Variants in SEMA3A observed in about 807,000 individuals in gnomAD.
SEMA3A encodes semaphorin 3A.
SEMA3A carries 29 observed loss-of-function variants against 97.9 expected under a neutral mutation model. The observed-to-expected ratio is 0.30, with a 90% CI of 0.22 to 0.40. The LOEUF (loss-of-function observed/expected upper bound fraction) is 0.40. Ranked by LOEUF, SEMA3A falls within the 10% of genes least tolerant of loss-of-function variation. The probability of loss-of-function intolerance (pLI) is 1.00; values close to 1 mark genes in which losing one functional copy is unlikely to be tolerated. For missense variants in SEMA3A, 763 were observed against 951.3 expected (o/e 0.80, Z 2.60); for synonymous variants, 321 against 323.7 (o/e 0.99, Z 0.09).
rs374846511 is a variant in SEMA3A at position 84,440,003 on chromosome 7, T to C, written c.-246+52457A>G. 5.3e-5 allele frequency among the ~76,000 whole-genome samples: 8 copies of C among 152,266 alleles called. No homozygotes were observed. The East Asian group carries it at 5.8e-4, about 11-fold the overall frequency. On this transcript the variant is annotated intron_variant, in intron 1 of 3. Coordinates refer to the SEMA3A transcript ENST00000424555. ...AGGCACTATACTTGATAAGGTGATA[T>C]AGAAGTAAACAAATATGCATGACAA...
intron 2 of SEMA3A, among the ~76,000 whole-genome samples, chr7:84,346,314 T>C (rs1802298689): frequency 6.6e-6 from 1 of 152,230 alleles, no homozygotes; most frequent in South Asian, 2.1e-4. Flanking sequence ...TTTTGCTTTC[T>C]TATCATTTGT....
intron 3 of SEMA3A, among the ~76,000 whole-genome samples, chr7:84,279,127 A>G (rs921580281): frequency 6.6e-5 from 10 of 152,200 alleles, no homozygotes; most frequent in Non-Finnish European, 1.5e-5. Flanking sequence ...AATGTGATTA[A>G]GAATGGGATA....
chr7:84,260,880 A>G (rs1452357975), intron 3 of SEMA3A, among the ~76,000 whole-genome samples: 2 of 152,218 alleles, frequency 1.3e-5, no homozygotes, highest in East Asian at 3.9e-4. Flanking sequence ...CCTTCAAGCC[A>G]GGGACTTCCT....
intron 1 of SEMA3A, among the ~76,000 whole-genome samples, chr7:84,410,075 G>C (rs1804218742): frequency 6.6e-6 from 1 of 151,940 alleles, no homozygotes; most frequent in African/African-American, 2.4e-5. Context: ...CATGGAGAAA[G>C]ACAAAATTGA....
intron 15 of SEMA3A, among the ~76,000 whole-genome samples, chr7:83,975,538 G>A (rs989080376): frequency 2.6e-5 from 4 of 152,050 alleles, no homozygotes; most frequent in African/African-American, 9.7e-5. Context: ...CATGTATCTA[G>A]ATTATAACTT....
chr7:83,986,970 T>TCA (rs61054337), intron 12 of SEMA3A, among the ~76,000 whole-genome samples: 1,813 of 106,840 alleles, frequency 0.017, 22 homozygotes, highest in African/African-American at 0.023. Context: ...TCTCTCTCTT[T>TCA]CACACACACA....
chr7:84,424,612 AATATAAT>A (rs1461668499), intron 1 of SEMA3A, among the ~76,000 whole-genome samples: 1 of 29,680 alleles, frequency 3.4e-5, no homozygotes, highest in Non-Finnish European at 5.3e-5. Flanking sequence ...ATTAATATAT[AATATAAT>A]ATATAATATA....
chr7:84,452,479 G>A (rs1805580160), intron 1 of SEMA3A, among the ~76,000 whole-genome samples: 1 of 152,028 alleles, frequency 6.6e-6, no homozygotes, highest in Non-Finnish European at 1.5e-5. Context: ...AGAGAATTTT[G>A]TTATTCCCAG....
At chr7:84,491,748 C>T (rs545776430) in intron 1 of SEMA3A, among the ~76,000 whole-genome samples, 1 of 152,188 alleles carries the variant, frequency 6.6e-6, no homozygotes, top group Admixed American at 6.5e-5. Context: ...GTTGTAAATG[C>T]AAAATAAACG....
intron 3 of SEMA3A, among the ~76,000 whole-genome samples, chr7:84,293,152 A>T (rs761675831): frequency 1.3e-5 from 2 of 152,172 alleles, no homozygotes; most frequent in East Asian, 1.9e-4. Context: ...AGCACATTTT[A>T]AAAAATGTTT....
chr7:83,989,423 C>T (rs1379264121), intron 12 of SEMA3A, among the ~76,000 whole-genome samples: 3 of 148,010 alleles, frequency 2.0e-5, no homozygotes, highest in Non-Finnish European at 3.0e-5. Flanking sequence ...CCCACTAACT[C>T]GTCATCTAGC....
chr7:84,119,732 T>C (rs1272292815), intron 3 of SEMA3A, among the ~76,000 whole-genome samples: 2 of 152,152 alleles, frequency 1.3e-5, no homozygotes, highest in African/African-American at 2.4e-5. Flanking sequence ...TATAGAAGAA[T>C]ACTAAACACA....
chr7:84,268,319 C>CT (rs1800062462), intron 3 of SEMA3A, among the ~76,000 whole-genome samples: 1 of 149,428 alleles, frequency 6.7e-6, no homozygotes, highest in Non-Finnish European at 1.5e-5. Flanking sequence ...AGAGAGAACT[C>CT]TGACTTTTCT....
intron 9 of SEMA3A, among the ~76,000 whole-genome samples, chr7:84,010,710 C>G (rs193049186): frequency 5.7e-5 from 8 of 140,954 alleles, no homozygotes; most frequent in African/African-American, 1.9e-4. Flanking sequence ...ACTCAGACTT[C>G]CATCTGTATA....
chr7:84,480,292 T>C (rs527566804), intron 1 of SEMA3A, among the ~76,000 whole-genome samples: 1 of 152,132 alleles, frequency 6.6e-6, no homozygotes. Context: ...AAGGAAGGTA[T>C]ACTAGGAATG....
chr7:84,365,494 T>A (rs770060684), intron 2 of SEMA3A, among the ~76,000 whole-genome samples: 1 of 151,402 alleles, frequency 6.6e-6, no homozygotes, highest in Admixed American at 6.6e-5. Context: ...TCTCTCTTTG[T>A]CTCCAAAATT....
At chr7:84,053,291 T>C (rs1011005832) in intron 5 of SEMA3A, among the ~76,000 whole-genome samples, 1 of 109,336 alleles carries the variant, frequency 9.1e-6, no homozygotes, top group Non-Finnish European at 2.2e-5. Flanking sequence ...CTCGTTGATC[T>C]GTCTAATGTT....
chr7:84,153,282 C>G (rs1297235238), intron 1 of SEMA3A, among the ~76,000 whole-genome samples: 1 of 152,126 alleles, frequency 6.6e-6, no homozygotes, highest in Non-Finnish European at 1.5e-5. Flanking sequence ...AAAAGAGGGT[C>G]TATCAGGAGA....
intron 1 of SEMA3A, among the ~76,000 whole-genome samples, chr7:84,458,959 T>TCCTG: frequency 6.6e-6 from 1 of 152,212 alleles, no homozygotes; most frequent in East Asian, 1.9e-4. Flanking sequence ...CATTCTCCTC[T>TCCTG]CCTGCTACCC....
Sources: gnomAD v4.1 joint callset for allele counts (sites outside exome capture counted in the v4.1 genomes callset) on GRCh38, gnomAD v4.1.1 for gene constraint, MANE v1.5 for transcripts, NCBI Gene and HGNC (gene_info 2026-07-23, HGNC 2026-07-21) for gene names.